Variants in APC2 observed in about 807,000 individuals in gnomAD.
The protein encoded by APC2 is APC regulator of Wnt signaling pathway 2.
A neutral mutation model predicts 72.5 loss-of-function variants in APC2; 41 were observed. The ratio of observed to expected loss-of-function variants is 0.57; its 90% CI spans 0.44 to 0.73. The LOEUF is 0.73. APC2 is among the 30% of genes least tolerant of loss of function. The pLI is 0.00. For synonymous variants in APC2, 1,898 were observed against 1,612.0 expected, an observed-to-expected ratio of 1.18 and a Z score of -4.25; for missense variants, 3,729 against 3,403.4, an observed-to-expected ratio of 1.10 and a Z score of -2.38.
At chr19:1,459,229 G>C (rs1197996403) in intron 10 of APC2, among the ~76,000 whole-genome samples, 1 of 152,128 alleles carries the variant, frequency 6.6e-6, no homozygotes, top group Non-Finnish European at 1.5e-5. Context: ...GAGACAGACA[G>C]GGTCTTGCTC....
chr19:1,465,463 G>T lies in APC2; in HGVS notation c.2162G>T (p.Arg721Leu). 1.3e-6 allele frequency: 2 copies of T among 1,531,644 alleles called. No homozygotes were observed. Among genetic ancestry groups the T allele is most frequent in the Non-Finnish European group, 8.7e-7 (1 of 1,144,392 alleles). 94.9% of individuals were successfully genotyped at this position (1,531,644 alleles called of 1,614,324 possible). Residue 721 changes from arginine (R) to leucine (L), a missense_variant, in exon 15 of 15, where the codon CGC becomes CTC. By Grantham distance (102) the Arg-to-Leu change is moderately radical (BLOSUM62 -2). Coordinates refer to ENST00000590469, the MANE Select transcript of APC2 (RefSeq NM_005883.3). Reference protein sequence around the residue: ...PGSCVPSLYVRKQRALEAELD... With the variant: ...PGSCVPSLYVLKQRALEAELD... ...AGCTGCGTGCCCAGCCTGTACGTGC[G>T]CAAGCAGCGGGCGCTGGAGGCCGAG... is the stretch of plus-strand genomic sequence containing the variant.
In APC2 at chr19:1,456,345, C is replaced by A. The variant is rs555858661; in HGVS notation, c.757C>A (p.Pro253Thr). The change falls in exon 8 of 15, where the codon CCC (proline) becomes ACC (threonine). Residue 253 changes from proline to threonine, a missense_variant. Physicochemically the swap from Pro to Thr is conservative, Grantham distance 38 (BLOSUM62 -1). Coordinates refer to ENST00000590469, the MANE Select transcript of APC2 (RefSeq NM_005883.3). ...GAAGTCGGTGCCGGTGGACGAGGAC[C>A]CCGAGACAGAGGTCCCCACACACCC... ...AVKSVPVDEDPETEVPTHPED... is the reference protein window; with the variant it reads ...AVKSVPVDEDTETEVPTHPED... The A allele has an allele frequency of 3.5e-5, 56 of 1,609,288 alleles. No individual in the cohort carries two copies. The highest frequency in any genetic ancestry group is 4.7e-5 in the Non-Finnish European group (55 of 1,178,770).
chr19:1,467,222 C>T lies in APC2; in HGVS notation c.3921C>T (p.Gly1307=), dbSNP rs764207735. The T allele has an allele frequency of 8.8e-6, 12 of 1,365,348 alleles. No individual in the cohort carries two copies. The highest frequency in any genetic ancestry group is 1.0e-5 in the Non-Finnish European group (11 of 1,063,748). 84.6% of individuals were successfully genotyped at this position (1,365,348 alleles called of 1,614,324 possible). The change falls in exon 15 of 15, where the codon GGC becomes GGT. Residue 1307 remains glycine (G), a synonymous_variant. Transcript: ENST00000590469. The part of the protein sequence containing the change: ...LPSACPERGG[G]AGGAGLHFAG... The stretch of plus-strand genomic sequence containing the variant: ...CGGCCTGCCCCGAGCGCGGCGGGGG[C>T]GCCGGGGGCGCCGGCCTCCACTTTG...
At chr19:1,455,363 C>G (rs1161799720) in intron 5 of APC2, 21 bp from the exon 6 acceptor site, 1 of 1,603,332 alleles carries the variant, frequency 6.2e-7, no homozygotes, top group East Asian at 2.2e-5. Context: ...TCACCGTGGC[C>G]CGCCCGCCTG....
At position 1,467,954 on chromosome 19, in the gene APC2, G is replaced by A. The variant is rs761548085; in HGVS notation, c.4653G>A (p.Pro1551=). Residue 1551 remains proline (P), a synonymous_variant, in exon 15 of 15, where the codon CCG becomes CCA. Transcript: ENST00000590469. ...AGGGCCGGAAGGAGGCCCCTGCCCCGTCCAAGGCTGCACCAGCTGCCCCGC... is the reference window on the plus strand; with the variant it reads ...AGGGCCGGAAGGAGGCCCCTGCCCCATCCAAGGCTGCACCAGCTGCCCCGC... ...RPQGRKEAPA[P]SKAAPAAPPP... 12 of 1,583,238 alleles carry A rather than the reference G, an allele frequency of 7.6e-6. No individual in the cohort carries two copies. The highest frequency in any genetic ancestry group is 2.3e-5 in the East Asian group (1 of 42,898).
intron 5 of APC2, 47 bp downstream of exon 5, chr19:1,455,304 G>C: frequency 6.3e-7 from 1 of 1,582,538 alleles, no homozygotes; most frequent in Non-Finnish European, 8.6e-7. Flanking sequence ...CCCCACTCAG[G>C]GTGCGGGAAG....
At chr19:1,458,212 C>T (rs12974445) in intron 10 of APC2, 152 bp downstream of exon 10, 28,077 of 698,696 alleles carry the variant, frequency 0.04, 796 homozygotes, top group African/African-American at 0.1. Context: ...CACATAGCAC[C>T]TCTCATGAGT....
chr19:1,448,843 CAAAAAAAAA>C (rs57277236), upstream of APC2, among the ~76,000 whole-genome samples: 6 of 115,272 alleles, frequency 5.2e-5, no homozygotes, highest in African/African-American at 1.5e-4. Context: ...GACTCCGTCT[CAAAAAAAAA>C]AAAAAGAAAA....
In APC2 at chr19:1,467,094, G is replaced by C; in HGVS notation, c.3793G>C (p.Val1265Leu). The change falls in exon 15 of 15, where the codon GTG becomes CTG. Residue 1265 changes from valine (V) to leucine (L), a missense_variant. By Grantham distance (32) the Val-to-Leu change is conservative. Transcript: ENST00000590469. ...GGACGCAGGCAGCGTGCGCTTTACCGTGGAGAAGCCAGACGAGAACTTCTC... is the reference window on the plus strand; with the variant it reads ...GGACGCAGGCAGCGTGCGCTTTACCCTGGAGAAGCCAGACGAGAACTTCTC... ...ELDAGSVRFT[V>L]EKPDENFSCA... The C allele has an allele frequency of 6.2e-7, 1 of 1,608,150 alleles. No homozygotes were observed. The highest frequency in any genetic ancestry group is 8.5e-7 in the Non-Finnish European group (1 of 1,177,776).
At position 1,465,681 on chromosome 19, in the gene APC2, G is replaced by A. The variant is rs767799677; in HGVS notation, c.2380G>A (p.Gly794Arg). Reference sequence around the variant, plus strand: ...ATCCCTGGCTGCGGCCGCGGCCACCGGGGAGCCAGCCAGCCCTGCCGCGCT... The same window carrying A: ...ATCCCTGGCTGCGGCCGCGGCCACCAGGGAGCCAGCCAGCCCTGCCGCGCT... ...PSSLAAAAATGEPASPAALSL... is the reference protein window; with the variant it reads ...PSSLAAAAATREPASPAALSL... The change falls in exon 15 of 15, where the codon GGG becomes AGG. Residue 794 changes from glycine to arginine, a missense_variant. Gly to Arg is a moderately radical substitution (Grantham distance 125). Coordinates refer to ENST00000590469, the MANE Select transcript of APC2 (RefSeq NM_005883.3). 38 of 1,594,702 alleles carry A rather than the reference G, an allele frequency of 2.4e-5. No homozygotes were observed. The highest frequency in any genetic ancestry group is 3.0e-5 in the Non-Finnish European group (35 of 1,172,580).
At chr19:1,446,935 C>CGGG (rs1422025623), upstream of APC2, among the ~76,000 whole-genome samples, 1 of 152,176 alleles carries the variant, frequency 6.6e-6, no homozygotes, top group Non-Finnish European at 1.5e-5. The surrounding 1 kb of genome is among the most constrained non-coding windows in gnomAD (Gnocchi z 6.1). Context: ...GGGGGTGCAG[C>CGGG]GGGGAGCCCA....
chr19:1,463,349 C>T (rs1297384130), intron 14 of APC2, among the ~76,000 whole-genome samples: 4 of 149,236 alleles, frequency 2.7e-5, no homozygotes, highest in African/African-American at 5.0e-5. Flanking sequence ...ACCCGGGAGG[C>T]GGAGGCTGCA....
upstream of APC2, among the ~76,000 whole-genome samples, chr19:1,447,087 C>T (rs1016355316): frequency 6.6e-6 from 1 of 152,198 alleles, no homozygotes; most frequent in Non-Finnish European, 1.5e-5. Context: ...AGGCCCATAG[C>T]GGCGGTCAGG....
chr19:1,468,421 C>T lies in APC2; in HGVS notation c.5120C>T (p.Thr1707Met), dbSNP rs745686477. Residue 1707 changes from threonine (T) to methionine (M), a missense_variant, in exon 15 of 15, where the codon ACG becomes ATG. Coordinates refer to ENST00000590469, the MANE Select transcript of APC2 (RefSeq NM_005883.3). Reference protein sequence around the residue: ...VTWLHQAAAATREASSESDSI... With the variant: ...VTWLHQAAAAMREASSESDSI... ...TGGCTGCACCAGGCAGCAGCTGCCA[C>T]GCGGGAGGCCTCGTCCGAGTCCGAC... is the stretch of plus-strand genomic sequence containing the variant. The T allele has an allele frequency of 9.4e-6, 15 of 1,590,998 alleles. No homozygotes were observed. In the Admixed American group the frequency reaches 1.9e-4, roughly 20 times the overall value.
intron 12 of APC2, 51 bp from the exon 13 acceptor site, chr19:1,460,986 T>A (rs2083913622): frequency 1.2e-6 from 2 of 1,604,962 alleles, no homozygotes; most frequent in South Asian, 1.1e-5. Context: ...GCTGGGGGGT[T>A]TGGGGGGCCT....
rs756766680 is a variant in APC2, at chr19:1,467,371, A to T, written c.4070A>T (p.Lys1357Met). The change falls in exon 15 of 15, where the codon AAG (lysine) becomes ATG (methionine). Residue 1357 changes from lysine to methionine, a missense_variant. Lys to Met is a moderately conservative substitution (Grantham distance 95, BLOSUM62 -1). Coordinates refer to ENST00000590469, the MANE Select transcript of APC2 (RefSeq NM_005883.3). ...GCCGCCGTGCCTGCCCGGCTGCGCA[A>T]GGTGGCCTCCGCGCTGGTGCCAGGT... ...LGAAVPARLR[K>M]VASALVPGRR... The T allele has an allele frequency of 6.8e-7, 1 of 1,481,178 alleles. No homozygotes were observed. Among genetic ancestry groups the T allele is most frequent in the South Asian group, 1.3e-5 (1 of 77,878 alleles). The allele number at this position is 1,481,178 out of a possible 1,614,324, so 91.8% of individuals were successfully genotyped here.
chr19:1,457,049 C>T lies in APC2; in HGVS notation c.1013C>T (p.Pro338Leu). The part of the protein sequence containing the change: ...AGGRAGAPGA[P>L]GAKDARMRAN... Reference sequence around the variant, plus strand: ...GGTCGCGCCGGGGCCCCAGGGGCACCGGGCGCCAAGGACGCACGCATGCGC... The same window carrying T: ...GGTCGCGCCGGGGCCCCAGGGGCACTGGGCGCCAAGGACGCACGCATGCGC... The change falls in exon 9 of 15, where the codon CCG becomes CTG. Residue 338 changes from proline (P) to leucine (L), a missense_variant. Transcript: ENST00000590469. 2 of 1,530,098 alleles carry T rather than the reference C, an allele frequency of 1.3e-6. No homozygotes were observed. Among genetic ancestry groups the T allele is most frequent in the Non-Finnish European group, 1.7e-6 (2 of 1,145,404 alleles). 94.8% of individuals were successfully genotyped at this position (1,530,098 alleles called of 1,614,324 possible).
chr19:1,465,491 G>A lies in APC2; in HGVS notation c.2190G>A (p.Leu730=), dbSNP rs1173540214. The change falls in exon 15 of 15, where the codon CTG becomes CTA. Residue 730 remains leucine (L), a synonymous_variant. Coordinates refer to ENST00000590469, the MANE Select transcript of APC2 (RefSeq NM_005883.3). The stretch of plus-strand genomic sequence containing the variant: ...AGCAGCGGGCGCTGGAGGCCGAGCT[G>A]GACGCACGGCACCTCGCGCAGGCGC... ...VRKQRALEAE[L]DARHLAQALE... The A allele has an allele frequency of 2.0e-5, 30 of 1,527,028 alleles. No individual in the cohort carries two copies. Among genetic ancestry groups the A allele is most frequent in the Non-Finnish European group, 2.6e-5 (30 of 1,140,834 alleles). 94.6% of individuals were successfully genotyped at this position (1,527,028 alleles called of 1,614,324 possible). A position where few individuals can be genotyped will look rare whatever the true frequency, so the allele number is the denominator to read the frequency against.
intron 8 of APC2, 24 bp from the exon 9 acceptor site, chr19:1,456,825 CCCCA>C (rs1568168889): frequency 6.3e-7 from 1 of 1,582,816 alleles, no homozygotes; most frequent in Admixed American, 1.8e-5. Context: ...AGGTGAGGGA[CCCCA>C]CCCTGACCCT....
Sources: gnomAD v4.1 joint callset for allele counts (sites outside exome capture counted in the v4.1 genomes callset) on GRCh38, gnomAD v4.1.1 for gene constraint, Gnocchi (gnomAD v3.1) non-coding constraint, MANE v1.5 for transcripts, NCBI Gene and HGNC (gene_info 2026-07-23, HGNC 2026-07-21) for gene names.